The following FRMPD4 variants were observed in gnomAD, a reference collection of about 807,000 sequenced individuals.
FRMPD4 encodes the protein FERM and PDZ domain containing 4.
A neutral mutation model predicts 94.1 loss-of-function variants in FRMPD4; 22 were observed. The observed-to-expected ratio is 0.23, with a 90% CI of 0.17 to 0.33. The LOEUF (loss-of-function observed/expected upper bound fraction) is 0.33. Ranked by LOEUF, FRMPD4 falls within the 10% of genes least tolerant of loss-of-function variation. The pLI, the probability that FRMPD4 is intolerant of heterozygous loss-of-function variation, is 1.00. For missense variants in FRMPD4, 1,111 were observed against 1,339.9 expected (o/e 0.83, Z 2.67); for synonymous variants, 631 against 548.6 (o/e 1.15, Z -2.10).
intron 1 of FRMPD4, among the ~76,000 whole-genome samples, chrX:12,247,353 A>G (rs994264112): frequency 9.0e-6 from 1 of 111,263 alleles, no homozygotes; most frequent in African/African-American, 3.3e-5. Flanking sequence ...GTTATTGTCT[A>G]GAGTTCTGAA....
rs189884842 is a variant in FRMPD4, at chrX:12,679,680, C to G, written c.469-3803C>G. 2.7e-5 allele frequency among the ~76,000 whole-genome samples: 3 copies of G among 111,615 alleles called. No homozygotes were observed. The East Asian group carries it at 8.4e-4, about 31-fold the overall frequency. Reference sequence around the variant, plus strand: ...AAACTTACAATACAAGGAGACACTCCATCAATGATTGACAGAAACTGGTGG... The same window carrying G: ...AAACTTACAATACAAGGAGACACTCGATCAATGATTGACAGAAACTGGTGG... On this transcript the variant is annotated intron_variant, in intron 5 of 16. Transcript: ENST00000675598.
At chrX:12,625,517 A>T (rs1286691605) in intron 4 of FRMPD4, among the ~76,000 whole-genome samples, 1 of 112,040 alleles carries the variant, frequency 8.9e-6, no homozygotes, top group African/African-American at 3.2e-5. Context: ...TCATTATGTT[A>T]AGTGAAATAA....
chrX:11,913,742 T>C (rs1225203876), intron 3 of FRMPD4, among the ~76,000 whole-genome samples: 1 of 112,367 alleles, frequency 8.9e-6, no homozygotes, highest in Admixed American at 9.4e-5. Flanking sequence ...TGTTTACAGA[T>C]AAAATCTGAT....
rs1045125022 is a variant in FRMPD4 at position 12,614,732 on chromosome X, G to A, written c.320-47G>A. 7.6e-6 allele frequency: 5 copies of A among 657,367 alleles called. No homozygotes were observed. The South Asian group carries it at 1.2e-4, about 16-fold the overall frequency. The allele number at this position is 657,367 out of a possible 1,213,427, so 54.2% of individuals were successfully genotyped here. A position where few individuals can be genotyped will look rare whatever the true frequency, so the allele number is the denominator to read the frequency against. ...TGATCAGGAGAGGAGGCTTGGGATA[G>A]GTTGCTAATGGTCTTCTCACCTGTG... On this transcript the variant is annotated intron_variant, in intron 3 of 16. Coordinates refer to ENST00000675598, the MANE Select transcript of FRMPD4 (RefSeq NM_001368397.1).
chrX:12,322,589 G>T (rs2055222415), intron 1 of FRMPD4, among the ~76,000 whole-genome samples: 1 of 110,297 alleles, frequency 9.1e-6, no homozygotes, highest in Non-Finnish European at 1.9e-5. Flanking sequence ...GGTCATTCAG[G>T]GCCTTGTAGG....
intron 1 of FRMPD4, among the ~76,000 whole-genome samples, chrX:12,382,537 GCAT>G (rs750803790): frequency 0.01 from 1,081 of 104,061 alleles, 30 homozygotes; most frequent in Non-Finnish European, 0.016. Context: ...ATAGAGCATA[GCAT>G]AGCATAGCAT....
intron 3 of FRMPD4, among the ~76,000 whole-genome samples, chrX:12,042,457 A>G (rs1226803312): frequency 3.6e-5 from 4 of 110,144 alleles, no homozygotes; most frequent in African/African-American, 1.3e-4. Flanking sequence ...CCTAATTTTT[A>G]TTTTTATCCT....
rs780978693 is a variant in FRMPD4, at chrX:12,528,214, A to G, written c.158+29418A>G. Among the ~76,000 whole-genome samples, 109 of 111,519 alleles carry G rather than the reference A, an allele frequency of 9.8e-4. 1 individual carries two copies. Among genetic ancestry groups the G allele is most frequent in the Non-Finnish European group, 2.6e-4 (14 of 53,114 alleles). On this transcript the variant is annotated intron_variant, in intron 2 of 16. Transcript: ENST00000675598. The stretch of plus-strand genomic sequence containing the variant: ...AAATATGTAAGAACTGTGTAGCAGG[A>G]TATCAGAGATAAGACAAAACTCCCA...
At chrX:12,004,152 C>G (rs776610502) in intron 3 of FRMPD4, among the ~76,000 whole-genome samples, 2 of 111,684 alleles carry the variant, frequency 1.8e-5, no homozygotes, top group Non-Finnish European at 3.8e-5. Flanking sequence ...ATCAAAAGTT[C>G]CAGAGGTTGA....
At chrX:12,594,497 G>A (rs1237719016) in intron 2 of FRMPD4, among the ~76,000 whole-genome samples, 6 of 110,095 alleles carry the variant, frequency 5.4e-5, no homozygotes, top group Non-Finnish European at 1.1e-4. Context: ...GTGCAGTGGC[G>A]GGGTCTCGGC....
Position 12,718,528 on chromosome X carries a change from C to T in FRMPD4, c.3702C>T (p.Pro1234=), listed in dbSNP as rs776298081. 44 of 1,198,245 alleles carry T rather than the reference C, an allele frequency of 3.7e-5. 1 individual carries two copies. The highest frequency in any genetic ancestry group is 3.5e-4 in the South Asian group (20 of 56,497). Residue 1234 remains proline (P), a synonymous_variant, in exon 16 of 17, where the codon CCC becomes CCT. Transcript: ENST00000675598. ...GCAGTGGCAGTGCCTGTGCCACACC[C>T]GTGGAGTCGCCGCTCTGCCCCTCCC... is the stretch of plus-strand genomic sequence containing the variant. ...TGSSGSACAT[P]VESPLCPSLG...
intron 3 of FRMPD4, among the ~76,000 whole-genome samples, chrX:12,030,530 C>T (rs6639130): frequency 0.12 from 13,123 of 111,151 alleles, 827 homozygotes; most frequent in East Asian, 0.23. Context: ...CATTAGGTAA[C>T]ACAGCAGACA....
intron 2 of FRMPD4, among the ~76,000 whole-genome samples, chrX:12,588,970 T>C (rs5978552): frequency 0.036 from 4,037 of 112,283 alleles, 173 homozygotes; most frequent in African/African-American, 0.12. Context: ...TCTTATGAAT[T>C]CTGTAAGAAT....
At chrX:12,377,891 C>T (rs919588445) in intron 1 of FRMPD4, among the ~76,000 whole-genome samples, 1 of 112,561 alleles carries the variant, frequency 8.9e-6, no homozygotes, top group Admixed American at 9.3e-5. Context: ...CAGGAGCCGA[C>T]GAGCAGTGCA....
intron 4 of FRMPD4, among the ~76,000 whole-genome samples, chrX:12,653,710 C>T (rs1328612382): frequency 2.9e-5 from 3 of 103,344 alleles, no homozygotes; most frequent in Non-Finnish European, 5.9e-5. Flanking sequence ...TATCTGTAAT[C>T]ATATAAAATA....
chrX:12,274,178 C>G (rs1210101076), intron 1 of FRMPD4, among the ~76,000 whole-genome samples: 1 of 110,270 alleles, frequency 9.1e-6, no homozygotes, highest in Non-Finnish European at 1.9e-5. Flanking sequence ...GGTATCTACT[C>G]TTTCTAATTA....
At chrX:12,324,229 T>C (rs1398573015) in intron 1 of FRMPD4, among the ~76,000 whole-genome samples, 1 of 112,340 alleles carries the variant, frequency 8.9e-6, no homozygotes, top group Non-Finnish European at 1.9e-5. Context: ...GTTCAAGTTA[T>C]GTAACCTTTT....
At chrX:12,181,881 G>A (rs765003589) in intron 1 of FRMPD4, among the ~76,000 whole-genome samples, 2 of 111,289 alleles carry the variant, frequency 1.8e-5, no homozygotes, top group Non-Finnish European at 3.8e-5. Context: ...TTCATTTTCC[G>A]GCAGCCTTTT....
intron 3 of FRMPD4, among the ~76,000 whole-genome samples, chrX:12,019,536 G>A (rs771521177): frequency 1.8e-5 from 2 of 110,709 alleles, no homozygotes; most frequent in African/African-American, 3.3e-5. Context: ...AGAGTTTGGC[G>A]TAAAGAAATG....
Sources: gnomAD v4.1 joint callset for allele counts (sites outside exome capture counted in the v4.1 genomes callset) on GRCh38, gnomAD v4.1.1 for gene constraint, MANE v1.5 for transcripts, NCBI Gene and HGNC (gene_info 2026-07-23, HGNC 2026-07-21) for gene names.